Variants in SLC2A13 observed in about 807,000 individuals in gnomAD.
The protein encoded by SLC2A13 is proton myo-inositol cotransporter.
A neutral mutation model predicts 64.4 loss-of-function variants in SLC2A13; 32 were observed. The observed-to-expected ratio is 0.50, with a 90% confidence interval of 0.37 to 0.67. The LOEUF (loss-of-function observed/expected upper bound fraction) is 0.67. Among genes scored for constraint, SLC2A13 ranks in the 30% least tolerant of loss-of-function variants. The pLI, the probability that SLC2A13 is intolerant of heterozygous loss-of-function variation, is 0.00. For synonymous variants in SLC2A13, 338 were observed against 327.1 expected (o/e 1.03, Z -0.36); for missense variants, 743 against 829.2 (o/e 0.90, Z 1.28).
chr12:39,920,114 G>C (rs1945590087), intron 4 of SLC2A13, among the ~76,000 whole-genome samples: 1 of 152,016 alleles, frequency 6.6e-6, no homozygotes, highest in African/African-American at 2.4e-5. Flanking sequence ...CATCATTCAA[G>C]ACACATTCTA....
At chr12:39,789,327 G>C (rs1282070416) in intron 7 of SLC2A13, among the ~76,000 whole-genome samples, 1 of 151,956 alleles carries the variant, frequency 6.6e-6, no homozygotes, top group Non-Finnish European at 1.5e-5. Flanking sequence ...TTTATTACTT[G>C]TTTAATTTCT....
chr12:39,992,645 C>G (rs974655684), intron 3 of SLC2A13, among the ~76,000 whole-genome samples: 5 of 151,854 alleles, frequency 3.3e-5, no homozygotes, highest in Admixed American at 6.6e-5. Flanking sequence ...TCTTATAACC[C>G]AAAAAGCTCA....
intron 4 of SLC2A13, among the ~76,000 whole-genome samples, chr12:39,929,880 C>T (rs1334328780): frequency 1.3e-5 from 2 of 152,104 alleles, no homozygotes; most frequent in African/African-American, 4.8e-5. Context: ...CCTGTAATCC[C>T]AGCACTTTGG....
At chr12:40,047,479 A>T (rs1012410662) in intron 2 of SLC2A13, among the ~76,000 whole-genome samples, 1 of 152,228 alleles carries the variant, frequency 6.6e-6, no homozygotes. Context: ...AAGCTTTAAC[A>T]TAAGATTTTG....
At chr12:39,972,529 CCTCT>C (rs964733625) in intron 3 of SLC2A13, among the ~76,000 whole-genome samples, 1 of 152,244 alleles carries the variant, frequency 6.6e-6, no homozygotes. Context: ...AAAAGATCAA[CCTCT>C]CTATGTTGGA....
At chr12:39,854,613 A>C (rs543199717) in intron 6 of SLC2A13, among the ~76,000 whole-genome samples, 7 of 152,198 alleles carry the variant, frequency 4.6e-5, no homozygotes, top group African/African-American at 1.7e-4. Flanking sequence ...TTCTCCCTCC[A>C]ATCTATATCC....
chr12:39,861,429 G>A (rs1943756935), intron 6 of SLC2A13, among the ~76,000 whole-genome samples: 1 of 152,132 alleles, frequency 6.6e-6, no homozygotes, highest in Non-Finnish European at 1.5e-5. Flanking sequence ...TTCTACAACT[G>A]TATGCTTTAG....
chr12:39,864,488 C>T (rs1356138087), intron 6 of SLC2A13, among the ~76,000 whole-genome samples: 3 of 152,154 alleles, frequency 2.0e-5, no homozygotes, highest in Non-Finnish European at 4.4e-5. Flanking sequence ...TGCTTAGATT[C>T]AGTATCAATC....
Position 39,920,089 on chromosome 12 carries a change from CCTT to C in SLC2A13, c.1034+31165_1034+31167del, listed in dbSNP as rs1019858080. Among the ~76,000 whole-genome samples, 2 of 152,058 alleles carry C rather than the reference CCTT, an allele frequency of 1.3e-5. 1 individual carries two copies. The highest frequency in any genetic ancestry group is 4.8e-5 in the African/African-American group (2 of 41,360). On this transcript the variant is annotated intron_variant, in intron 4 of 9. Transcript: ENST00000280871. ...GGCCTGTGCTCACCAAGGGAATTTA[CCTT>C]CTTACATGCCTCATCATTCAAGACA...
intron 4 of SLC2A13, among the ~76,000 whole-genome samples, chr12:39,935,467 A>T (rs1945902261): frequency 6.6e-6 from 1 of 152,174 alleles, no homozygotes; most frequent in African/African-American, 2.4e-5. Flanking sequence ...CATTCCCCTT[A>T]TACATCATGC....
At chr12:39,973,651 C>G (rs10877877) in intron 3 of SLC2A13, among the ~76,000 whole-genome samples, 71,471 of 152,084 alleles carry the variant, frequency 0.47, 17,648 homozygotes, top group East Asian at 0.68. Flanking sequence ...AGCATTCCCC[C>G]CTTCATGAAA....
rs117105056 is a variant in SLC2A13 at position 39,847,315 on chromosome 12, G to C, written c.1320-17087C>G. ...CATTCTTCCCTCCTCCTTTTTAAGA[G>C]AAATGTGATTCCTAACTGGGCACAT... On this transcript the variant is annotated intron_variant, in intron 6 of 9. Transcript: ENST00000280871. Among the ~76,000 whole-genome samples, 756 of 152,126 alleles carry C rather than the reference G, an allele frequency of 5.0e-3. 21 individuals carry two copies. In the East Asian group the frequency reaches 0.094, roughly 19 times the overall value.
At chr12:39,944,661 C>T (rs1592306328) in intron 4 of SLC2A13, among the ~76,000 whole-genome samples, 1 of 152,208 alleles carries the variant, frequency 6.6e-6, no homozygotes, top group Non-Finnish European at 1.5e-5. Flanking sequence ...AGAATAGCTA[C>T]CCCCTGCTTG....
intron 3 of SLC2A13, among the ~76,000 whole-genome samples, chr12:39,969,651 G>T (rs1351045820): frequency 6.6e-6 from 1 of 152,070 alleles, no homozygotes; most frequent in East Asian, 1.9e-4. Context: ...GGGGTTGTTT[G>T]TTTTTTTCTT....
chr12:39,894,859 G>A (rs763943287), intron 4 of SLC2A13, among the ~76,000 whole-genome samples: 1 of 152,078 alleles, frequency 6.6e-6, no homozygotes, highest in Non-Finnish European at 1.5e-5. Context: ...AAGAAAAAAG[G>A]GAGAAAAGAA....
intron 4 of SLC2A13, among the ~76,000 whole-genome samples, chr12:39,881,345 G>T (rs1463935019): frequency 6.6e-6 from 1 of 151,858 alleles, no homozygotes; most frequent in African/African-American, 2.4e-5. Context: ...AAAACAATCT[G>T]GAAACTCAAA....
intron 7 of SLC2A13, among the ~76,000 whole-genome samples, chr12:39,802,732 C>T (rs1056787756): frequency 6.6e-6 from 1 of 151,878 alleles, no homozygotes; most frequent in South Asian, 2.1e-4. Flanking sequence ...TATAAAGATA[C>T]AGAGATAAAG....
chr12:40,007,000 T>C (rs1224161682), intron 3 of SLC2A13, among the ~76,000 whole-genome samples: 2 of 152,238 alleles, frequency 1.3e-5, no homozygotes, highest in East Asian at 3.8e-4. Context: ...CTAATCAGTT[T>C]ATTTATTTAT....
At chr12:39,941,081 A>C (rs1946016756) in intron 4 of SLC2A13, among the ~76,000 whole-genome samples, 1 of 151,776 alleles carries the variant, frequency 6.6e-6, no homozygotes, top group South Asian at 2.1e-4. Context: ...CATCATATAT[A>C]TATGATTCAT....
Sources: allele counts gnomAD v4.1 joint callset (sites outside exome capture counted in the v4.1 genomes callset), GRCh38; gene constraint gnomAD v4.1.1; transcripts MANE v1.5; gene names NCBI Gene and HGNC (gene_info 2026-07-23, HGNC 2026-07-21).